ABCC9: variants seen among roughly 807,000 people sequenced by gnomAD.
The protein encoded by ABCC9 is ATP-binding cassette sub-family C member 9.
ABCC9 carries 95 observed loss-of-function variants against 188.3 expected under a neutral mutation model. That is an observed-to-expected ratio of 0.50 (90% confidence interval 0.43 to 0.60). The LOEUF (loss-of-function observed/expected upper bound fraction) is 0.60, where lower values mean the gene tolerates loss of function less well. Among genes scored for constraint, ABCC9 ranks in the 20% least tolerant of loss-of-function variants. The pLI, the probability that ABCC9 is intolerant of heterozygous loss-of-function variation, is 0.00. For synonymous variants in ABCC9, 659 were observed against 652.7 expected (o/e 1.01, Z -0.15); for missense variants, 1,102 against 1,876.3 (o/e 0.59, Z 7.62).
intron 24 of ABCC9, among the ~76,000 whole-genome samples, 171 bp from the exon 25 acceptor site, chr12:21,848,417 C>A (rs1019476692): frequency 6.6e-6 from 1 of 152,130 alleles, no homozygotes; most frequent in Non-Finnish European, 1.5e-5. Context: ...GGGGCAGAAC[C>A]TTAGACTTGT....
Position 21,799,118 on chromosome 12 carries a change from G to A in ABCC9, c.*1926C>T, listed in dbSNP as rs1941310768. On this transcript the variant is annotated 3_prime_UTR_variant, in exon 40 of 40. Coordinates refer to ENST00000261200, the MANE Select transcript of ABCC9 (RefSeq NM_020297.4). ...GTGGTGGGGTGGGGGGAGTGGGGAGGGATAGCATTGGGAGATATACCTAAT... is the reference window on the plus strand; with the variant it reads ...GTGGTGGGGTGGGGGGAGTGGGGAGAGATAGCATTGGGAGATATACCTAAT... 6.7e-6 allele frequency: 1 copy of A among 148,848 alleles called. No homozygotes were observed. The highest frequency in any genetic ancestry group is 6.7e-5 in the Admixed American group (1 of 14,842). 9.2% of individuals were successfully genotyped at this position (148,848 alleles called of 1,614,324 possible).
At chr12:21,810,128 G>GATGA (rs1942125919) in intron 36 of ABCC9, among the ~76,000 whole-genome samples, 173 bp from the exon 37 acceptor site, 1 of 152,166 alleles carries the variant, frequency 6.6e-6, no homozygotes, top group Non-Finnish European at 1.5e-5. Flanking sequence ...ATTCATGCTT[G>GATGA]ATGAATGAAT....
At chr12:21,940,987 A>G (rs1565506281) in intron 1 of ABCC9, among the ~76,000 whole-genome samples, 162 bp from the exon 2 acceptor site, 1 of 152,310 alleles carries the variant, frequency 6.6e-6, no homozygotes, top group East Asian at 1.9e-4. Flanking sequence ...TTTTGAAGTA[A>G]AACTGGAAAC....
rs1944550976 is a variant in ABCC9, at chr12:21,844,707, T to C, written c.3245+60A>G. The C allele has an allele frequency of 3.7e-6, 6 of 1,602,910 alleles. No homozygotes were observed. The Admixed American group carries it at 8.3e-5, about 22-fold the overall frequency. On this transcript the variant is annotated intron_variant, in intron 27 of 39. Coordinates refer to ENST00000261200, the MANE Select transcript of ABCC9 (RefSeq NM_020297.4). ...TTCTAACTTTCACATTCCACTTAAA[T>C]TGAAAAATGCATATTTTTATTATTT...
At chr12:21,860,476 C>A (rs1945449417) in intron 21 of ABCC9, among the ~76,000 whole-genome samples, 1 of 152,148 alleles carries the variant, frequency 6.6e-6, no homozygotes, top group African/African-American at 2.4e-5. Context: ...CCAGGACTTA[C>A]AACGATTAAA....
chr12:21,923,019 C>T (rs2137976411), intron 5 of ABCC9: 1 of 148,784 alleles, frequency 6.7e-6, no homozygotes, highest in East Asian at 2.0e-4. Context: ...AGTGCCAATG[C>T]AATCTCTTGA....
intron 4 of ABCC9, among the ~76,000 whole-genome samples, chr12:21,932,867 C>G (rs1013940639): frequency 2.6e-5 from 4 of 151,680 alleles, no homozygotes; most frequent in African/African-American, 9.7e-5. Context: ...CCATTTGACA[C>G]AGCAATCCCA....
chr12:21,889,788 C>T (rs955482869), intron 14 of ABCC9, among the ~76,000 whole-genome samples: 3 of 152,086 alleles, frequency 2.0e-5, no homozygotes, highest in Non-Finnish European at 2.9e-5. Context: ...AGAATGGGGA[C>T]GACATTCTCT....
intron 31 of ABCC9, among the ~76,000 whole-genome samples, chr12:21,823,504 CA>C (rs1943174762): frequency 1.3e-5 from 2 of 152,182 alleles, no homozygotes; most frequent in Admixed American, 1.3e-4. Flanking sequence ...CACAAAAAAG[CA>C]GTGTTGTCTC....
In ABCC9 at chr12:21,803,782, A is replaced by G. The variant is rs568209102; in HGVS notation, c.4512+2216T>C. Among the ~76,000 whole-genome samples, 56 of 152,276 alleles carry G rather than the reference A, an allele frequency of 3.7e-4. 1 individual carries two copies. The highest frequency in any genetic ancestry group is 1.3e-3 in the African/African-American group (53 of 41,544). On this transcript the variant is annotated intron_variant, in intron 39 of 39. Coordinates refer to ENST00000261200, the MANE Select transcript of ABCC9 (RefSeq NM_020297.4). The stretch of plus-strand genomic sequence containing the variant: ...TGGTGTCAATTGTAATTGTGTTGAT[A>G]AAATTTTCAAAATATTCCAGAGAAA...
chr12:21,806,651 G>A (rs1941867745), intron 38 of ABCC9, among the ~76,000 whole-genome samples: 1 of 152,050 alleles, frequency 6.6e-6, no homozygotes. Flanking sequence ...TCTCTTCTCT[G>A]TTGAGGCAGT....
chr12:21,802,160 T>C (rs1276686348), intron 39 of ABCC9, among the ~76,000 whole-genome samples: 1 of 152,160 alleles, frequency 6.6e-6, no homozygotes, highest in Non-Finnish European at 1.5e-5. Context: ...ATACTTAACA[T>C]TGTATAGTTC....
At chr12:21,826,124 G>C (rs763196343) in intron 31 of ABCC9, among the ~76,000 whole-genome samples, 2 of 152,086 alleles carry the variant, frequency 1.3e-5, no homozygotes, top group Non-Finnish European at 2.9e-5. Flanking sequence ...TTGCATTCCT[G>C]CTCTGGGAAC....
chr12:21,822,454 C>T (rs546559033), intron 31 of ABCC9, among the ~76,000 whole-genome samples: 1 of 152,142 alleles, frequency 6.6e-6, no homozygotes, highest in Admixed American at 6.5e-5. Flanking sequence ...ATTTCAATCA[C>T]TTCTCTTCAA....
intron 14 of ABCC9, 28 bp downstream of exon 14, chr12:21,894,003 CA>C (rs576461834): frequency 1.2e-6 from 2 of 1,612,716 alleles, no homozygotes; most frequent in South Asian, 1.1e-5. Flanking sequence ...TATCAATAAG[CA>C]AAAAATGCCA....
At chr12:21,866,086 G>C (rs576602342) in intron 18 of ABCC9, among the ~76,000 whole-genome samples, 170 of 150,360 alleles carry the variant, frequency 1.1e-3, no homozygotes, top group African/African-American at 4.0e-3. Context: ...GAGTACTTCA[G>C]ACCAGAGAAA....
intron 12 of ABCC9, among the ~76,000 whole-genome samples, chr12:21,901,107 C>T (rs557577989): frequency 3.6e-4 from 55 of 152,238 alleles, no homozygotes; most frequent in African/African-American, 6.0e-4. Flanking sequence ...GGGGATCTCT[C>T]GACAGAAACT....
At chr12:21,926,522 G>A (rs376777519) in intron 4 of ABCC9, among the ~76,000 whole-genome samples, 1 of 152,040 alleles carries the variant, frequency 6.6e-6, no homozygotes, top group Non-Finnish European at 1.5e-5. Flanking sequence ...CCAGCTACTT[G>A]GATGCAACCA....
chr12:21,824,965 T>A (rs552314892), intron 31 of ABCC9, among the ~76,000 whole-genome samples: 1 of 152,248 alleles, frequency 6.6e-6, no homozygotes, highest in African/African-American at 2.4e-5. Context: ...ATTTTGTTGA[T>A]CTTTTCAAAA....
Sources: allele counts gnomAD v4.1 joint callset (sites outside exome capture counted in the v4.1 genomes callset), GRCh38; gene constraint gnomAD v4.1.1; transcripts MANE v1.5; gene names NCBI Gene and HGNC (gene_info 2026-07-23, HGNC 2026-07-21).